FAM227A: variants seen among roughly 807,000 people sequenced by gnomAD.
FAM227A encodes protein FAM227A.
A neutral mutation model predicts 74.7 loss-of-function variants in FAM227A; 80 were observed. The observed-to-expected ratio is 1.07, with a 90% CI of 0.89 to 1.29. The LOEUF (loss-of-function observed/expected upper bound fraction) is 1.29. FAM227A is among the 50% of genes most tolerant of loss of function. The probability of loss-of-function intolerance (pLI) is 0.00; values close to 1 mark genes in which losing one functional copy is unlikely to be tolerated. For missense variants in FAM227A, 654 were observed against 683.4 expected (o/e 0.96, Z 0.48); for synonymous variants, 237 against 241.8 (o/e 0.98, Z 0.19).
chr22:38,591,474 A>C lies in FAM227A; in HGVS notation c.1599T>G (p.Pro533=). ...TKKANHMFIP[P]SAVNEESPDK... ...CAGGTGATTCCTCATTGACGGCTGAAGGTGGGATGAACATGTGGTTTGCCT... is the reference window on the plus strand; with the variant it reads ...CAGGTGATTCCTCATTGACGGCTGACGGTGGGATGAACATGTGGTTTGCCT... Residue 533 remains proline, a synonymous_variant, in exon 16 of 17, where the codon CCT becomes CCG. Coordinates refer to ENST00000535113, the MANE Select transcript of FAM227A (RefSeq NM_001013647.2). The C allele has an allele frequency of 1.9e-6, 3 of 1,551,330 alleles. No homozygotes were observed. Among genetic ancestry groups the C allele is most frequent in the Non-Finnish European group, 2.6e-6 (3 of 1,146,836 alleles).
rs549936141 is a variant in FAM227A, at chr22:38,620,681, C to T, written c.959-390G>A. Among the ~76,000 whole-genome samples, 36 of 151,368 alleles carry T rather than the reference C, an allele frequency of 2.4e-4. No homozygotes were observed. In the East Asian group the frequency reaches 2.7e-3, roughly 11 times the overall value. On this transcript the variant is annotated intron_variant, in intron 10 of 16. Coordinates refer to ENST00000535113, the MANE Select transcript of FAM227A (RefSeq NM_001013647.2). ...AAAATCAGCCGGGCATGGTGGCGCGCGCCTGTAGTCCCAGCTACTCGGGAG... is the reference window on the plus strand; with the variant it reads ...AAAATCAGCCGGGCATGGTGGCGCGTGCCTGTAGTCCCAGCTACTCGGGAG...
chr22:38,636,706 T>G (rs576328309), intron 5 of FAM227A, 109 bp from the exon 6 acceptor site: 1 of 1,033,280 alleles, frequency 9.7e-7, no homozygotes, highest in Non-Finnish European at 1.4e-6. Flanking sequence ...CCTTATAGAA[T>G]GTTGAGAAAA....
intron 14 of FAM227A, among the ~76,000 whole-genome samples, chr22:38,597,873 C>T (rs962003739): frequency 3.9e-5 from 6 of 152,062 alleles, no homozygotes; most frequent in Non-Finnish European, 7.4e-5. Flanking sequence ...GAAATCCCAT[C>T]TGTACTAAAA....
At chr22:38,616,060 A>G (rs1213739143) in intron 11 of FAM227A, among the ~76,000 whole-genome samples, 2 of 152,178 alleles carry the variant, frequency 1.3e-5, no homozygotes, top group Admixed American at 6.5e-5. Context: ...ACCCAGGGAG[A>G]ATATGTAGAT....
chr22:38,629,387 C>T (rs1022811032), intron 6 of FAM227A, among the ~76,000 whole-genome samples: 3 of 152,324 alleles, frequency 2.0e-5, no homozygotes, highest in Non-Finnish European at 2.9e-5. Flanking sequence ...ATGTAGCTTC[C>T]GTTGTCATAC....
At chr22:38,606,087 A>G (rs754939165) in intron 12 of FAM227A, among the ~76,000 whole-genome samples, 1 of 152,118 alleles carries the variant, frequency 6.6e-6, no homozygotes, top group Non-Finnish European at 1.5e-5. Context: ...ACCAACTCTT[A>G]TATCTAACTC....
intron 12 of FAM227A, 81 bp from the exon 13 acceptor site, chr22:38,605,429 A>C: frequency 1.3e-6 from 1 of 797,520 alleles, no homozygotes; most frequent in Non-Finnish European, 2.1e-6. Context: ...AGCTGGAATT[A>C]CAGGTGTGTG....
chr22:38,647,159 AAAATAAAAC>A (rs2092254708), intron 2 of FAM227A, among the ~76,000 whole-genome samples: 1 of 59,280 alleles, frequency 1.7e-5, no homozygotes, highest in Non-Finnish European at 4.2e-5. Context: ...AAAAATAAAT[AAAATAAAAC>A]AAAACAATGC....
Position 38,636,542 on chromosome 22 carries a change from C to A in FAM227A, c.428G>T (p.Ser143Ile). 6.4e-7 allele frequency: 1 copy of A among 1,551,652 alleles called. No individual in the cohort carries two copies. Among genetic ancestry groups the A allele is most frequent in the South Asian group, 1.2e-5 (1 of 84,050 alleles). Residue 143 changes from serine (S) to isoleucine (I), a missense_variant, in exon 6 of 17, where the codon AGC becomes ATC. Coordinates refer to ENST00000535113, the MANE Select transcript of FAM227A (RefSeq NM_001013647.2). ...ATTCGGAAGCTTGTTTGGCTTGGAG[C>A]TGTTGAAGTTGGAATACTGGTACAG... Reference protein sequence around the residue: ...AELYQYSNFNSSKPNKLPNGV... With the variant: ...AELYQYSNFNISKPNKLPNGV...
intron 6 of FAM227A, among the ~76,000 whole-genome samples, chr22:38,635,250 G>A (rs1350451395): frequency 1.4e-5 from 2 of 145,376 alleles, no homozygotes; most frequent in Admixed American, 6.8e-5. Flanking sequence ...AAAAAAAAAA[G>A]GAAGGAAGGG....
Position 38,591,486 on chromosome 22 carries a change from C to T in FAM227A, c.1587G>A (p.Met529Ile). The T allele has an allele frequency of 6.4e-7, 1 of 1,550,472 alleles. No individual in the cohort carries two copies. The change falls in exon 16 of 17, where the codon ATG (methionine) becomes ATA (isoleucine). Residue 529 changes from methionine to isoleucine, a missense_variant. Met to Ile is a conservative substitution (Grantham distance 10). Transcript: ENST00000535113. The stretch of plus-strand genomic sequence containing the variant: ...CATTGACGGCTGAAGGTGGGATGAA[C>T]ATGTGGTTTGCCTTTTTTGTATCTG... ...KAADTKKANH[M>I]FIPPSAVNEE... is the part of the protein sequence containing the mutation.
rs927506326 is a variant in FAM227A, at chr22:38,580,259, C to T, written c.*5866G>A. The T allele has an allele frequency of 6.6e-6, 1 of 152,024 alleles. No individual in the cohort carries two copies. The highest frequency in any genetic ancestry group is 1.5e-5 in the Non-Finnish European group (1 of 68,016). The allele number at this position is 152,024 out of a possible 1,614,324, so 9.4% of individuals were successfully genotyped here. ...TTAAGTCTCTTTTAATCTATATATT[C>T]CCCCTCTCTTTTTCCCTTGAAACTT... On this transcript the variant is annotated 3_prime_UTR_variant, in exon 17 of 17. Transcript: ENST00000535113.
Position 38,632,626 on chromosome 22 carries a change from G to A in FAM227A, c.520-3691C>T, listed in dbSNP as rs961986307. On this transcript the variant is annotated intron_variant, in intron 6 of 16. Transcript: ENST00000535113. ...GACCAAGGTCCACCTGCCCCCTAGG[G>A]TTTGTGCAGAGAGAGACGACAGAGA... 2.0e-5 allele frequency among the ~76,000 whole-genome samples: 3 copies of A among 152,168 alleles called. No homozygotes were observed. In the East Asian group the frequency reaches 5.8e-4, roughly 29 times the overall value.
chr22:38,591,474 A>G lies in FAM227A; in HGVS notation c.1599T>C (p.Pro533=). Reference sequence around the variant, plus strand: ...CAGGTGATTCCTCATTGACGGCTGAAGGTGGGATGAACATGTGGTTTGCCT... The same window carrying G: ...CAGGTGATTCCTCATTGACGGCTGAGGGTGGGATGAACATGTGGTTTGCCT... ...TKKANHMFIP[P]SAVNEESPDK... Residue 533 remains proline, a synonymous_variant, in exon 16 of 17, where the codon CCT becomes CCC. Coordinates refer to ENST00000535113, the MANE Select transcript of FAM227A (RefSeq NM_001013647.2). 1 of 1,551,330 alleles carries G rather than the reference A, an allele frequency of 6.4e-7. No individual in the cohort carries two copies. Among genetic ancestry groups the G allele is most frequent in the Non-Finnish European group, 8.7e-7 (1 of 1,146,836 alleles).
chr22:38,616,441 T>C (rs1173623503), intron 11 of FAM227A, among the ~76,000 whole-genome samples: 2 of 152,042 alleles, frequency 1.3e-5, no homozygotes, highest in Non-Finnish European at 2.9e-5. Context: ...GGCAGGTGGA[T>C]TGCCTGAGAT....
chr22:38,640,226 G>T (rs1250771825), intron 3 of FAM227A, among the ~76,000 whole-genome samples: 1 of 151,966 alleles, frequency 6.6e-6, no homozygotes, highest in Non-Finnish European at 1.5e-5. Flanking sequence ...GTAGAGATGG[G>T]GTTTCACCGT....
Position 38,628,895 on chromosome 22 carries a change from GAA to G in FAM227A, c.558_559del (p.Ser187PhefsTer10). On this transcript the variant is annotated frameshift_variant, in exon 7 of 17. Transcript: ENST00000535113. LOFTEE classifies it high-confidence loss of function. ...CAGCCAGATGGCTCTTGGAGAAGAA[GAA>G]GAGAGAAACTTCTCTAATTCTCTAC... The G allele has an allele frequency of 6.5e-7, 1 of 1,545,026 alleles. No homozygotes were observed. Among genetic ancestry groups the G allele is most frequent in the Non-Finnish European group, 8.7e-7 (1 of 1,143,484 alleles).
intron 16 of FAM227A, among the ~76,000 whole-genome samples, chr22:38,588,764 CA>C (rs34469783): frequency 0.37 from 47,991 of 128,314 alleles, 8,178 homozygotes; most frequent in East Asian, 0.47. Flanking sequence ...ACTAAAAATA[CA>C]AAAAAAAAAA....
In FAM227A at chr22:38,626,111, A is replaced by G. The variant is rs1056252934; in HGVS notation, c.850+69T>C. ...AAGGGGTGTCATAGCAAACAATAACATACCTAGGTGCCAGCGGAAAACATT... is the reference window on the plus strand; with the variant it reads ...AAGGGGTGTCATAGCAAACAATAACGTACCTAGGTGCCAGCGGAAAACATT... On this transcript the variant is annotated intron_variant, in intron 9 of 16. Coordinates refer to ENST00000535113, the MANE Select transcript of FAM227A (RefSeq NM_001013647.2). 1.5e-5 allele frequency: 23 copies of G among 1,504,646 alleles called. No individual in the cohort carries two copies. The Admixed American group carries it at 4.3e-4, about 28-fold the overall frequency. 93.2% of individuals were successfully genotyped at this position (1,504,646 alleles called of 1,614,324 possible).
Sources: gnomAD v4.1 joint callset for allele counts (sites outside exome capture counted in the v4.1 genomes callset) on GRCh38, gnomAD v4.1.1 for gene constraint, MANE v1.5 for transcripts, NCBI Gene and HGNC (gene_info 2026-07-23, HGNC 2026-07-21) for gene names.